The following NOS1 variants were observed in gnomAD, a reference collection of about 807,000 sequenced individuals.
NOS1 encodes the protein nitric oxide synthase 1.
In NOS1, 51 loss-of-function variants were observed where a neutral mutation model predicts 164.5. The observed-to-expected ratio is 0.31, with a 90% CI of 0.25 to 0.39. NOS1 has a LOEUF of 0.39. Ranked by LOEUF, NOS1 falls within the 10% of genes least tolerant of loss-of-function variation. The pLI, the probability that NOS1 is intolerant of heterozygous loss-of-function variation, is 1.00. For synonymous variants in NOS1, 719 were observed against 745.8 expected, an observed-to-expected ratio of 0.96 and a Z score of 0.59; for missense variants, 1,362 against 1,885.6, an observed-to-expected ratio of 0.72 and a Z score of 5.14.
Position 117,268,122 on chromosome 12 carries a change from A to G in NOS1, c.1862T>C (p.Leu621Ser). 6.2e-7 allele frequency: 1 copy of G among 1,613,650 alleles called. No homozygotes were observed. The highest frequency in any genetic ancestry group is 8.5e-7 in the Non-Finnish European group (1 of 1,179,528). ...ILEEVAKKMN[L>S]DMRKTSSLWK... ...CAGGGAGGACGTCTTCCTCATGTCTAAGTTCATCTTCTTGGCCACTTCCTG... is the reference window on the plus strand; with the variant it reads ...CAGGGAGGACGTCTTCCTCATGTCTGAGTTCATCTTCTTGGCCACTTCCTG... The change falls in exon 11 of 29, where the codon TTA becomes TCA. Residue 621 changes from leucine (L) to serine (S), a missense_variant. Around this residue, in one of 4 missense-constraint regions of NOS1, gnomAD observed 134 missense variants for 267.3 expected, o/e 0.50. Transcript: ENST00000317775.
chr12:117,314,279 T>C (rs900035820), intron 2 of NOS1, among the ~76,000 whole-genome samples: 16 of 152,144 alleles, frequency 1.1e-4, no homozygotes, highest in Non-Finnish European at 1.9e-4. Context: ...ACCTACATGA[T>C]CGTAAACAGA....
chr12:117,237,118 T>C (rs73206094), intron 20 of NOS1, among the ~76,000 whole-genome samples: 17,256 of 152,274 alleles, frequency 0.11, 1,347 homozygotes, highest in Admixed American at 0.29. Context: ...ATCTCAGTTC[T>C]GCTGAGCTTT....
At chr12:117,260,427 ATGAGAAGC>A (rs1188480541) in intron 14 of NOS1, 30 bp downstream of exon 14, 1 of 1,605,230 alleles carries the variant, frequency 6.2e-7, no homozygotes, top group Non-Finnish European at 8.5e-7. Context: ...TTAATTCACC[ATGAGAAGC>A]TGGTGGAGCT....
intron 2 of NOS1, among the ~76,000 whole-genome samples, chr12:117,312,118 A>C (rs145140371): frequency 4.6e-5 from 7 of 152,352 alleles, no homozygotes; most frequent in African/African-American, 1.7e-4. Flanking sequence ...AAACAGAATG[A>C]TTCGGAAAAT....
chr12:117,349,976 C>A (rs1876541629), intron 1 of NOS1, among the ~76,000 whole-genome samples: 1 of 152,116 alleles, frequency 6.6e-6, no homozygotes, highest in South Asian at 2.1e-4. Context: ...CCTCCCTCCT[C>A]AACCTCCCAA....
At chr12:117,304,912 C>T (rs1593007958) in intron 3 of NOS1, 1 of 695,706 alleles carries the variant, frequency 1.4e-6, no homozygotes, top group Non-Finnish European at 1.8e-6. Context: ...CCTCCAGGAA[C>T]TTATAGTCTC....
rs187316016 is a variant in NOS1 at position 117,331,076 on chromosome 12, T to C, written c.-7A>G. On this transcript the variant is annotated 5_prime_UTR_variant, in exon 2 of 29. Transcript: ENST00000317775. ...CGAACATGTGATCCTCCATGGTAAC[T>C]AGCTTCCGAGGGGTCCTGTCTGAAG... 2.5e-6 allele frequency: 4 copies of C among 1,603,682 alleles called. No homozygotes were observed. In the East Asian group the frequency reaches 8.9e-5, roughly 36 times the overall value.
At chr12:117,259,569 G>C (rs1180602980) in intron 14 of NOS1, among the ~76,000 whole-genome samples, 1 of 152,166 alleles carries the variant, frequency 6.6e-6, no homozygotes, top group Non-Finnish European at 1.5e-5. Context: ...CCCCCGAGCA[G>C]TGTGGAGCAC....
rs572350906 is a variant in NOS1 at position 117,323,702 on chromosome 12, T to G, written c.725+6643A>C. On this transcript the variant is annotated intron_variant, in intron 2 of 28. Coordinates refer to ENST00000317775, the MANE Select transcript of NOS1 (RefSeq NM_000620.5). Reference sequence around the variant, plus strand: ...AGCTTTCTTCTCTGCCTCCGACAACTGAGCTGATTCTCTGGGGTTGAAATT... The same window carrying G: ...AGCTTTCTTCTCTGCCTCCGACAACGGAGCTGATTCTCTGGGGTTGAAATT... Among the ~76,000 whole-genome samples the G allele has an allele frequency of 7.2e-5, 11 of 152,340 alleles. 1 individual carries two copies. In the South Asian group the frequency reaches 2.3e-3, roughly 32 times the overall value.
At chr12:117,256,744 T>A (rs766461984) in intron 16 of NOS1, among the ~76,000 whole-genome samples, 7 of 151,844 alleles carry the variant, frequency 4.6e-5, no homozygotes, top group Non-Finnish European at 7.4e-5. Context: ...CTATACCTTA[T>A]GGGGGATGCA....
intron 24 of NOS1, among the ~76,000 whole-genome samples, chr12:117,226,004 T>C (rs1408171494): frequency 1.3e-5 from 2 of 152,230 alleles, no homozygotes; most frequent in Admixed American, 1.3e-4. Context: ...AAGAATCACC[T>C]GGGGATGTTC....
intron 9 of NOS1, among the ~76,000 whole-genome samples, chr12:117,274,769 C>CAAAAAAAAAAAAAAAAA (rs71099039): frequency 1.3e-5 from 1 of 77,018 alleles, no homozygotes; most frequent in Non-Finnish European, 2.2e-5. Context: ...CTCCGTCTCA[C>CAAAAAAAAAAAAAAAAA]AAAAAAAAAA....
intron 3 of NOS1, among the ~76,000 whole-genome samples, chr12:117,308,167 C>T (rs1293817693): frequency 6.6e-6 from 1 of 151,960 alleles, no homozygotes; most frequent in Non-Finnish European, 1.5e-5. Context: ...AAAGCCACAT[C>T]CTGTCTAGAG....
At chr12:117,298,771 G>T (rs773257465) in intron 3 of NOS1, among the ~76,000 whole-genome samples, 3 of 152,130 alleles carry the variant, frequency 2.0e-5, no homozygotes, top group Non-Finnish European at 4.4e-5. Context: ...AACCAGCACC[G>T]CCAACACCTT....
intron 18 of NOS1, among the ~76,000 whole-genome samples, chr12:117,244,402 A>G (rs990772476): frequency 1.3e-5 from 2 of 151,974 alleles, no homozygotes; most frequent in African/African-American, 2.4e-5. Flanking sequence ...CATGTGCACC[A>G]TGCCCAGCTA....
intron 1 of NOS1, among the ~76,000 whole-genome samples, chr12:117,345,266 G>A (rs758884057): frequency 1.3e-5 from 2 of 152,150 alleles, no homozygotes; most frequent in East Asian, 3.9e-4. Context: ...CATGTGATCC[G>A]TCTGCCTCGG....
At chr12:117,300,768 G>C (rs910453826) in intron 3 of NOS1, among the ~76,000 whole-genome samples, 9 of 152,194 alleles carry the variant, frequency 5.9e-5, no homozygotes, top group Non-Finnish European at 2.9e-5. Context: ...GCAAAAATGA[G>C]TTGGACTGCA....
chr12:117,227,904 CT>C (rs1868845976), intron 22 of NOS1, among the ~76,000 whole-genome samples: 1 of 151,960 alleles, frequency 6.6e-6, no homozygotes, highest in Admixed American at 6.6e-5. Context: ...TGGTGGATGT[CT>C]GCAGTACCCC....
chr12:117,356,702 G>A lies in NOS1; in HGVS notation c.-421+4810C>T, dbSNP rs972376100. On this transcript the variant is annotated intron_variant, in intron 1 of 28. Coordinates refer to ENST00000317775, the MANE Select transcript of NOS1 (RefSeq NM_000620.5). The surrounding 1 kb of genome is among the most constrained non-coding windows in gnomAD (Gnocchi z 4.2). ...TGTTCATCCTTAGCATCATACGACT[G>A]TGCCAAGACCCATGTCCACTATACC... 3.3e-5 allele frequency among the ~76,000 whole-genome samples: 5 copies of A among 152,192 alleles called. No homozygotes were observed. Among genetic ancestry groups the A allele is most frequent in the African/African-American group, 1.2e-4 (5 of 41,450 alleles).
Sources: gnomAD v4.1 joint callset for allele counts (sites outside exome capture counted in the v4.1 genomes callset) on GRCh38, gnomAD v4.1.1 for gene constraint, gnomAD v4.1.1 regional missense constraint, Gnocchi (gnomAD v3.1) non-coding constraint, MANE v1.5 for transcripts, NCBI Gene and HGNC (gene_info 2026-07-23, HGNC 2026-07-21) for gene names.